DAAM1: variants seen among roughly 807,000 people sequenced by gnomAD.
DAAM1 encodes dishevelled associated activator of morphogenesis 1.
A neutral mutation model predicts 130.0 loss-of-function variants in DAAM1; 52 were observed. That is an observed-to-expected ratio of 0.40 (90% CI 0.32 to 0.50). The LOEUF (loss-of-function observed/expected upper bound fraction) is 0.50, where lower values mean the gene tolerates loss of function less well. Among genes scored for constraint, DAAM1 ranks in the 20% least tolerant of loss-of-function variants. The pLI is 0.61. For missense variants in DAAM1, 1,134 were observed against 1,303.8 expected, an observed-to-expected ratio of 0.87 and a Z score of 2.01; for synonymous variants, 452 against 444.5, an observed-to-expected ratio of 1.02 and a Z score of -0.21.
At chr14:59,237,346 A>C (rs1203344661) in intron 1 of DAAM1, among the ~76,000 whole-genome samples, 1 of 152,194 alleles carries the variant, frequency 6.6e-6, no homozygotes, top group Non-Finnish European at 1.5e-5. Flanking sequence ...TGAAAAATTA[A>C]ATACTGATCA....
chr14:59,330,095 G>A (rs560628202), intron 12 of DAAM1, among the ~76,000 whole-genome samples: 10 of 152,172 alleles, frequency 6.6e-5, no homozygotes, highest in Non-Finnish European at 1.3e-4. Context: ...ACTACTCTTT[G>A]TCTCACTTCT....
chr14:59,260,807 G>A (rs1487118068), intron 1 of DAAM1, among the ~76,000 whole-genome samples: 1 of 152,186 alleles, frequency 6.6e-6, no homozygotes, highest in Admixed American at 6.5e-5. Flanking sequence ...AGCAGTGGGT[G>A]TACTCTCAGG....
At chr14:59,265,092 A>G (rs1882372552) in intron 2 of DAAM1, 1 of 152,258 alleles carries the variant, frequency 6.6e-6, no homozygotes, top group South Asian at 2.1e-4. Context: ...TCTTTGGTCA[A>G]GGACATACTG....
chr14:59,324,755 T>A (rs1885144096), intron 8 of DAAM1, among the ~76,000 whole-genome samples: 1 of 152,244 alleles, frequency 6.6e-6, no homozygotes. Context: ...TGAATTTTGC[T>A]GTTTTTATAA....
rs117155457 is a variant in DAAM1 at position 59,251,619 on chromosome 14, A to G, written c.-37-11822A>G. Among the ~76,000 whole-genome samples the G allele has an allele frequency of 1.8e-3, 269 of 152,218 alleles. 8 individuals carry two copies. The East Asian group carries it at 0.048, about 27-fold the overall frequency. ...CTGACATACCAACTTAATGCCTTTA[A>G]TCATCAGAGAAGATGTGTAGCAATA... On this transcript the variant is annotated intron_variant, in intron 1 of 24. Transcript: ENST00000360909.
intron 1 of DAAM1, among the ~76,000 whole-genome samples, chr14:59,200,875 A>C (rs1202079997): frequency 6.6e-6 from 1 of 152,162 alleles, no homozygotes; most frequent in Non-Finnish European, 1.5e-5. Context: ...AAAGATCCCC[A>C]GGTAGGCGGG....
chr14:59,305,034 G>A (rs988691223), intron 3 of DAAM1, among the ~76,000 whole-genome samples: 2 of 152,208 alleles, frequency 1.3e-5, no homozygotes, highest in African/African-American at 4.8e-5. Context: ...TCTGAAAGGT[G>A]GGTCTGGTAG....
chr14:59,315,379 C>T (rs775825058), intron 4 of DAAM1, 28 bp downstream of exon 4: 8 of 1,603,612 alleles, frequency 5.0e-6, no homozygotes, highest in Non-Finnish European at 6.8e-6. Flanking sequence ...TTCTTTGACA[C>T]ACTGTTTAAA....
At chr14:59,361,815 G>T (rs954517470) in intron 22 of DAAM1, among the ~76,000 whole-genome samples, 2 of 152,204 alleles carry the variant, frequency 1.3e-5, no homozygotes, top group African/African-American at 4.8e-5. Context: ...GGATTTGCAG[G>T]CAGCTTGGAA....
chr14:59,309,290 G>A (rs1222663732), intron 3 of DAAM1, among the ~76,000 whole-genome samples: 1 of 152,206 alleles, frequency 6.6e-6, no homozygotes, highest in Non-Finnish European at 1.5e-5. Context: ...TATAGATTCA[G>A]GGAGCAGTGA....
chr14:59,326,761 A>G lies in DAAM1; in HGVS notation c.1313+113A>G, dbSNP rs925710817. On this transcript the variant is annotated intron_variant, in intron 11 of 24. Transcript: ENST00000360909. ...AGCTGAAATGTTCTAGGGGTCAAATATGAGTTACTGTACACATGCACTATA... is the reference window on the plus strand; with the variant it reads ...AGCTGAAATGTTCTAGGGGTCAAATGTGAGTTACTGTACACATGCACTATA... The G allele has an allele frequency of 2.2e-5, 33 of 1,532,188 alleles. No individual in the cohort carries two copies. In the African/African-American group the frequency reaches 3.6e-4, roughly 17 times the overall value. 94.9% of individuals were successfully genotyped at this position (1,532,188 alleles called of 1,614,324 possible). A position where few individuals can be genotyped will look rare whatever the true frequency, so the allele number is the denominator to read the frequency against.
chr14:59,189,535 T>C (rs1887663264), intron 1 of DAAM1, among the ~76,000 whole-genome samples: 1 of 151,772 alleles, frequency 6.6e-6, no homozygotes, highest in Non-Finnish European at 1.5e-5. Flanking sequence ...TCCCTTGGTG[T>C]AGAGCACCTG....
chr14:59,258,897 GA>G (rs560199707), intron 1 of DAAM1, among the ~76,000 whole-genome samples: 2 of 152,292 alleles, frequency 1.3e-5, no homozygotes, highest in East Asian at 3.9e-4. Context: ...GGTACTTATT[GA>G]AAGGATTTCA....
At chr14:59,237,322 A>C (rs534814983) in intron 1 of DAAM1, among the ~76,000 whole-genome samples, 177 of 152,320 alleles carry the variant, frequency 1.2e-3, no homozygotes, top group Middle Eastern at 3.4e-3. Context: ...GGTGGAATAC[A>C]TATTAGAGGC....
At chr14:59,202,405 A>G (rs1458657183) in intron 1 of DAAM1, among the ~76,000 whole-genome samples, 1 of 152,250 alleles carries the variant, frequency 6.6e-6, no homozygotes, top group Non-Finnish European at 1.5e-5. Flanking sequence ...TAGCAAGCAT[A>G]GCAGAAGCAA....
At chr14:59,315,869 G>C (rs1437930548) in intron 4 of DAAM1, among the ~76,000 whole-genome samples, 2 of 152,108 alleles carry the variant, frequency 1.3e-5, no homozygotes. Context: ...TAATGAAAAG[G>C]CGTCATAATA....
At chr14:59,279,767 T>G (rs1483406360) in intron 2 of DAAM1, among the ~76,000 whole-genome samples, 1 of 152,086 alleles carries the variant, frequency 6.6e-6, no homozygotes, top group Non-Finnish European at 1.5e-5. Context: ...AAAAAACACG[T>G]GGTGATCAAA....
intron 1 of DAAM1, among the ~76,000 whole-genome samples, chr14:59,251,694 G>A (rs1881649842): frequency 6.6e-6 from 1 of 152,158 alleles, no homozygotes; most frequent in South Asian, 2.1e-4. Flanking sequence ...AGAGGCGACT[G>A]TCCTCTCTAC....
In DAAM1 at chr14:59,325,747, T is replaced by C; in HGVS notation, c.1056+17T>C. ...TTTGAACTGGTACGTATGCTTACAATTATTCTGGTTTGATTCATCAGTTCA... is the reference window on the plus strand; with the variant it reads ...TTTGAACTGGTACGTATGCTTACAACTATTCTGGTTTGATTCATCAGTTCA... On this transcript the variant is annotated intron_variant, in intron 9 of 24. Coordinates refer to ENST00000360909, the MANE Select transcript of DAAM1 (RefSeq NM_001270520.2). 6.2e-7 allele frequency: 1 copy of C among 1,613,104 alleles called. No individual in the cohort carries two copies. The highest frequency in any genetic ancestry group is 8.5e-7 in the Non-Finnish European group (1 of 1,179,168).
Sources: allele counts gnomAD v4.1 joint callset (sites outside exome capture counted in the v4.1 genomes callset), GRCh38; gene constraint gnomAD v4.1.1; transcripts MANE v1.5; gene names NCBI Gene and HGNC (gene_info 2026-07-23, HGNC 2026-07-21).